The following PLXNB1 variants were observed in gnomAD, a reference collection of about 807,000 sequenced individuals.
PLXNB1 encodes the protein plexin-B1.
A neutral mutation model predicts 209.4 loss-of-function variants in PLXNB1; 106 were observed. The ratio of observed to expected loss-of-function variants is 0.51; its 90% confidence interval spans 0.43 to 0.59. PLXNB1 has a LOEUF of 0.59. PLXNB1 is among the 20% of genes least tolerant of loss of function. The pLI is 0.00. For synonymous variants in PLXNB1, 1,167 were observed against 1,183.2 expected (o/e 0.99, Z 0.28); for missense variants, 2,357 against 2,853.2 (o/e 0.83, Z 3.96).
At chr3:48,412,387 C>CAGA in intron 26 of PLXNB1, 55 bp downstream of exon 26, 1 of 1,610,866 alleles carries the variant, frequency 6.2e-7, no homozygotes, top group South Asian at 1.1e-5. Flanking sequence ...CAGCCCGAGG[C>CAGA]CCCACCCCAG....
In PLXNB1 at chr3:48,413,222, G is replaced by T; in HGVS notation, c.4536-53C>A. On this transcript the variant is annotated intron_variant, in intron 23 of 37. Transcript: ENST00000296440. This position sits in a 1 kb window ranked among gnomAD's most constrained non-coding sequence, Gnocchi z 5.4. ...TGGCCAGATGAGTCCTACTCGCCCAGGCCTGCCTGACAATCCCCAGGCACA... is the reference window on the plus strand; with the variant it reads ...TGGCCAGATGAGTCCTACTCGCCCATGCCTGCCTGACAATCCCCAGGCACA... 7.0e-7 allele frequency: 1 copy of T among 1,422,162 alleles called. No homozygotes were observed. The highest frequency in any genetic ancestry group is 9.8e-7 in the Non-Finnish European group (1 of 1,016,272). 88.1% of individuals were successfully genotyped at this position (1,422,162 alleles called of 1,614,324 possible). A position where few individuals can be genotyped will look rare whatever the true frequency, so the allele number is the denominator to read the frequency against.
chr3:48,420,966 G>A lies in PLXNB1; in HGVS notation c.1811-10C>T. The A allele has an allele frequency of 6.2e-7, 1 of 1,605,590 alleles. No individual in the cohort carries two copies. Among genetic ancestry groups the A allele is most frequent in the Non-Finnish European group, 8.5e-7 (1 of 1,172,792 alleles). On this transcript the variant is annotated splice_polypyrimidine_tract_variant and intron_variant, in intron 8 of 37. Coordinates refer to ENST00000296440, the MANE Select transcript of PLXNB1 (RefSeq NM_001130082.3). ...CTCACGGATACGTAGTCTGCAGAGGGGGAGAGAGGGCCAGGGTTAAGCAGC... is the reference window on the plus strand; with the variant it reads ...CTCACGGATACGTAGTCTGCAGAGGAGGAGAGAGGGCCAGGGTTAAGCAGC...
At chr3:48,420,626 C>T (rs1421826935) in intron 10 of PLXNB1, 39 bp downstream of exon 10, 1 of 1,537,644 alleles carries the variant, frequency 6.5e-7, no homozygotes, top group East Asian at 2.2e-5. Flanking sequence ...CTGGGACCCC[C>T]AACCCCCCCG....
rs2039043860 is a variant in PLXNB1, at chr3:48,429,002, C to A, written c.-60+1006G>T. On this transcript the variant is annotated intron_variant, in intron 1 of 37. Transcript: ENST00000296440. This position sits in a 1 kb window ranked among gnomAD's most constrained non-coding sequence, Gnocchi z 6.4. ...TGGCCCTGGGAGGGCGGGGAAGGGG[C>A]CGGCCGGTCCCCGGCGGCGACGGCG... 6.6e-6 allele frequency among the ~76,000 whole-genome samples: 1 copy of A among 152,200 alleles called. No individual in the cohort carries two copies. The highest frequency in any genetic ancestry group is 1.5e-5 in the Non-Finnish European group (1 of 68,018).
At chr3:48,408,587 C>T (rs2037455834) in intron 34 of PLXNB1, among the ~76,000 whole-genome samples, 1 of 152,188 alleles carries the variant, frequency 6.6e-6, no homozygotes, top group African/African-American at 2.4e-5. Context: ...CCTCCTCACA[C>T]ATCCCTCAAA....
Position 48,412,848 on chromosome 3 carries a change from G to A in PLXNB1, c.4748C>T (p.Ser1583Leu), listed in dbSNP as rs756267454. Reference sequence around the variant, plus strand: ...CACACCCAGGTCCCGGTGCAAGGGCGACTCGCGGTGCCCAGGGAAGAAGAT... The same window carrying A: ...CACACCCAGGTCCCGGTGCAAGGGCAACTCGCGGTGCCCAGGGAAGAAGAT... Reference protein sequence around the residue: ...ERIFFPGHRESPLHRDLGVPE... With the variant: ...ERIFFPGHRELPLHRDLGVPE... The change falls in exon 25 of 38, where the codon TCG (serine) becomes TTG (leucine). Residue 1583 changes from serine to leucine, a missense_variant. Ser to Leu is a moderately radical substitution (Grantham distance 145). This residue lies in a region of PLXNB1 where 743 missense variants were observed against 896.2 expected (regional missense o/e 0.83). Transcript: ENST00000296440. 7 of 1,613,628 alleles carry A rather than the reference G, an allele frequency of 4.3e-6. No individual in the cohort carries two copies. Among genetic ancestry groups the A allele is most frequent in the African/African-American group, 2.7e-5 (2 of 74,902 alleles).
rs1195500170 is a variant in PLXNB1 at position 48,405,332 on chromosome 3, C to T, written c.6303+392G>A. 6.6e-6 allele frequency among the ~76,000 whole-genome samples: 1 copy of T among 152,222 alleles called. No individual in the cohort carries two copies. The highest frequency in any genetic ancestry group is 1.5e-5 in the Non-Finnish European group (1 of 68,034). On this transcript the variant is annotated intron_variant, in intron 37 of 37. Coordinates refer to ENST00000296440, the MANE Select transcript of PLXNB1 (RefSeq NM_001130082.3). The surrounding 1 kb of genome is among the most constrained non-coding windows in gnomAD (Gnocchi z 5.0). ...ACCAGCTCCAGTGTACCCTCACACCCCTGGCCCTGTGCCTGGACTCTCCTC... is the reference window on the plus strand; with the variant it reads ...ACCAGCTCCAGTGTACCCTCACACCTCTGGCCCTGTGCCTGGACTCTCCTC...
rs1449527330 is a variant in PLXNB1 at position 48,413,599 on chromosome 3, C to T, written c.4535+71G>A. 10 of 1,457,196 alleles carry T rather than the reference C, an allele frequency of 6.9e-6. No homozygotes were observed. Among genetic ancestry groups the T allele is most frequent in the African/African-American group, 4.3e-5 (3 of 70,478 alleles). The allele number at this position is 1,457,196 out of a possible 1,614,324, so 90.3% of individuals were successfully genotyped here. On this transcript the variant is annotated intron_variant, in intron 23 of 37. Transcript: ENST00000296440. This position sits in a 1 kb window ranked among gnomAD's most constrained non-coding sequence, Gnocchi z 5.4. ...AGAGAATGTTTCCTGACTCCTGGCC[C>T]GGTCTGTCCCTTCCCAGTCCAGCCA...
intron 6 of PLXNB1, 31 bp from the exon 7 acceptor site, chr3:48,421,837 C>A: frequency 6.3e-7 from 1 of 1,582,370 alleles, no homozygotes. Flanking sequence ...CTATCTGTGA[C>A]CCTCATGGGC....
chr3:48,416,345 C>A lies in PLXNB1; in HGVS notation c.3480+1G>T. ...CTGGGGGTGGCTCAGCAGTCAGGTA[C>A]CTGGTAGGCAAAGTCGTGTTCTGAG... is the stretch of plus-strand genomic sequence containing the variant. On this transcript the variant is annotated splice_donor_variant, in intron 17 of 37. Transcript: ENST00000296440. LOFTEE classifies it high-confidence loss of function. The surrounding 1 kb of genome is among the most constrained non-coding windows in gnomAD (Gnocchi z 4.1). 1 of 1,609,538 alleles carries A rather than the reference C, an allele frequency of 6.2e-7. No individual in the cohort carries two copies. The highest frequency in any genetic ancestry group is 8.5e-7 in the Non-Finnish European group (1 of 1,177,260).
chr3:48,409,801 C>T lies in PLXNB1; in HGVS notation c.5779-70G>A. 2.5e-6 allele frequency: 4 copies of T among 1,580,470 alleles called. No homozygotes were observed. The South Asian group carries it at 3.4e-5, about 14-fold the overall frequency. The stretch of plus-strand genomic sequence containing the variant: ...TCAGCAGCAGCCCAGCCTCAGACAC[C>T]CCCCGGCACTGTGCCTGCACGAGCC... On this transcript the variant is annotated intron_variant, in intron 32 of 37. Coordinates refer to ENST00000296440, the MANE Select transcript of PLXNB1 (RefSeq NM_001130082.3). This position sits in a 1 kb window ranked among gnomAD's most constrained non-coding sequence, Gnocchi z 5.8.
rs755056360 is a variant in PLXNB1, at chr3:48,420,967, G to T, written c.1811-11C>A. The T allele has an allele frequency of 3.7e-6, 6 of 1,605,314 alleles. No homozygotes were observed. In the South Asian group the frequency reaches 6.6e-5, roughly 18 times the overall value. Reference sequence around the variant, plus strand: ...TCACGGATACGTAGTCTGCAGAGGGGGAGAGAGGGCCAGGGTTAAGCAGCA... The same window carrying T: ...TCACGGATACGTAGTCTGCAGAGGGTGAGAGAGGGCCAGGGTTAAGCAGCA... On this transcript the variant is annotated splice_polypyrimidine_tract_variant and intron_variant, in intron 8 of 37. Transcript: ENST00000296440.
Position 48,429,037 on chromosome 3 carries a change from C to T in PLXNB1, c.-60+971G>A, listed in dbSNP as rs1272141175. On this transcript the variant is annotated intron_variant, in intron 1 of 37. Transcript: ENST00000296440. This position sits in a 1 kb window ranked among gnomAD's most constrained non-coding sequence, Gnocchi z 6.4. ...CCCGGCGGCGACGGCGAGGAGGGGGCGCGGAGGAGCAGCTCCACCTCCTCA... is the reference window on the plus strand; with the variant it reads ...CCCGGCGGCGACGGCGAGGAGGGGGTGCGGAGGAGCAGCTCCACCTCCTCA... 6.6e-6 allele frequency among the ~76,000 whole-genome samples: 1 copy of T among 152,210 alleles called. No homozygotes were observed. Among genetic ancestry groups the T allele is most frequent in the Non-Finnish European group, 1.5e-5 (1 of 68,028 alleles).
chr3:48,412,126 AGGAGTCTCTGCTCTGGCACAAG>A (rs1385389275), intron 27 of PLXNB1, 90 bp downstream of exon 27: 2 of 1,476,000 alleles, frequency 1.4e-6, no homozygotes, highest in African/African-American at 2.8e-5. Context: ...CAGGCTGAGC[AGGAGTCTCTGCTCTGGCACAAG>A]TGTCCGAGCT....
chr3:48,410,963 C>T lies in PLXNB1; in HGVS notation c.5321G>A (p.Cys1774Tyr). The T allele has an allele frequency of 6.2e-7, 1 of 1,613,992 alleles. No individual in the cohort carries two copies. The highest frequency in any genetic ancestry group is 8.5e-7 in the Non-Finnish European group (1 of 1,179,982). Residue 1774 changes from cysteine to tyrosine, a missense_variant, in exon 29 of 38, where the codon TGT (cysteine) becomes TAT (tyrosine). Transcript: ENST00000296440. This position sits in a 1 kb window ranked among gnomAD's most constrained non-coding sequence, Gnocchi z 6.4. ...CTCCTTTGCCTGGGAGATGGTGTCA[C>T]AGTCTAGGACCTTCACGGGCACGCC... ...AQGVPVKVLD[C>Y]DTISQAKEKM... is the part of the protein sequence containing the mutation.
rs1220584609 is a variant in PLXNB1 at position 48,411,158 on chromosome 3, C to T, written c.5248-122G>A. On this transcript the variant is annotated intron_variant, in intron 28 of 37. Coordinates refer to ENST00000296440, the MANE Select transcript of PLXNB1 (RefSeq NM_001130082.3). The surrounding 1 kb of genome is among the most constrained non-coding windows in gnomAD (Gnocchi z 4.0). ...TCCAATCCCCACGCACCACACAATC[C>T]CTAATTCTCGTCTCTTCACCTGCCT... 6 of 807,710 alleles carry T rather than the reference C, an allele frequency of 7.4e-6. No homozygotes were observed. Among genetic ancestry groups the T allele is most frequent in the African/African-American group, 6.9e-5 (4 of 57,778 alleles). 50.0% of individuals were successfully genotyped at this position (807,710 alleles called of 1,614,324 possible).
At position 48,404,228 on chromosome 3, in the gene PLXNB1, C is replaced by T. The variant is rs2037175640; in HGVS notation, c.*258G>A. The stretch of plus-strand genomic sequence containing the variant: ...GCCACTCTCTGGAAGCCCTTAGTCC[C>T]CAACTCCCTGCAGACCGGTGTCACA... On this transcript the variant is annotated 3_prime_UTR_variant, in exon 38 of 38. Transcript: ENST00000296440. 2.0e-6 allele frequency: 1 copy of T among 489,968 alleles called. No homozygotes were observed. The highest frequency in any genetic ancestry group is 3.6e-6 in the Non-Finnish European group (1 of 275,732). 30.4% of individuals were successfully genotyped at this position (489,968 alleles called of 1,614,324 possible). A position where few individuals can be genotyped will look rare whatever the true frequency, so the allele number is the denominator to read the frequency against.
chr3:48,418,316 G>A lies in PLXNB1; in HGVS notation c.3097C>T (p.Gln1033Ter). 1 of 1,613,728 alleles carries A rather than the reference G, an allele frequency of 6.2e-7. No individual in the cohort carries two copies. Among genetic ancestry groups the A allele is most frequent in the Non-Finnish European group, 8.5e-7 (1 of 1,180,046 alleles). ...SVGHGDCSRC[Q>*]TAMPQYGCVW... ...CAGCCATACTGGGGCATGGCAGTTT[G>A]GCAGCGGCTGCAGTCTCCATGTCCC... is the stretch of plus-strand genomic sequence containing the variant. The change falls in exon 15 of 38, where the codon CAA becomes TAA. Residue 1033 changes from glutamine to a stop codon, truncating the protein, a stop_gained. Coordinates refer to ENST00000296440, the MANE Select transcript of PLXNB1 (RefSeq NM_001130082.3). LOFTEE classifies it high-confidence loss of function. The surrounding 1 kb of genome is among the most constrained non-coding windows in gnomAD (Gnocchi z 6.6).
In PLXNB1 at chr3:48,423,643, G is replaced by A; in HGVS notation, c.969C>T (p.Ala323=). 1 of 1,614,120 alleles carries A rather than the reference G, an allele frequency of 6.2e-7. No individual in the cohort carries two copies. Among genetic ancestry groups the A allele is most frequent in the Non-Finnish European group, 8.5e-7 (1 of 1,179,986 alleles). The part of the protein sequence containing the change: ...AGASGASALC[A]FPLDEVDRLA... ...GCCGGTCCACCTCATCCAGGGGGAA[G>A]GCACAGAGGGCAGAGGCTCCAGATG... The change falls in exon 3 of 38, where the codon GCC becomes GCT. Residue 323 remains alanine (A), a synonymous_variant. Coordinates refer to ENST00000296440, the MANE Select transcript of PLXNB1 (RefSeq NM_001130082.3).
Sources: allele counts gnomAD v4.1 joint callset (sites outside exome capture counted in the v4.1 genomes callset), GRCh38; gene constraint gnomAD v4.1.1; regional missense constraint gnomAD v4.1.1; non-coding constraint Gnocchi (gnomAD v3.1); transcripts MANE v1.5; gene names NCBI Gene and HGNC (gene_info 2026-07-23, HGNC 2026-07-21).